MTFR1: variants seen among roughly 807,000 people sequenced by gnomAD.
MTFR1 encodes the protein mitochondrial fission regulator 1, also known as chondrocyte protein with a poly-proline region.
MTFR1 carries 28 observed loss-of-function variants against 38.8 expected under a neutral mutation model. The observed-to-expected ratio is 0.72, with a 90% confidence interval of 0.53 to 0.99. The LOEUF is 0.99. Ranked by LOEUF, MTFR1 falls within the 50% of genes least tolerant of loss-of-function variation. The pLI, the probability that MTFR1 is intolerant of heterozygous loss-of-function variation, is 0.00. For missense variants in MTFR1, 358 were observed against 395.5 expected (o/e 0.91, Z 0.81); for synonymous variants, 145 against 137.0 (o/e 1.06, Z -0.41).
chr8:65,672,239 A>G (rs902407225), intron 2 of MTFR1, among the ~76,000 whole-genome samples: 1 of 152,264 alleles, frequency 6.6e-6, no homozygotes, highest in East Asian at 1.9e-4. Context: ...AAATTCATAT[A>G]AAACCAAATT....
intron 1 of MTFR1, among the ~76,000 whole-genome samples, chr8:65,659,208 A>C (rs1010302910): frequency 6.6e-6 from 1 of 152,068 alleles, no homozygotes; most frequent in Non-Finnish European, 1.5e-5. Context: ...TTTTGGTGAT[A>C]ATACCACTCT....
At chr8:65,747,006 T>A (rs1047608684) in intron 3 of MTFR1, among the ~76,000 whole-genome samples, 2 of 152,304 alleles carry the variant, frequency 1.3e-5, no homozygotes, top group Admixed American at 1.3e-4. Flanking sequence ...AAAAACAAGC[T>A]CATTTAACCC....
At chr8:65,682,329 T>C (rs1804920236) in intron 2 of MTFR1, 24 bp from the exon 3 acceptor site, 3 of 1,304,112 alleles carry the variant, frequency 2.3e-6, no homozygotes, top group Admixed American at 2.1e-5. Flanking sequence ...GTAATTAAGC[T>C]TTCGGTTTTT....
intron 2 of MTFR1, among the ~76,000 whole-genome samples, chr8:65,681,642 A>G (rs1298776391): frequency 6.7e-6 from 1 of 148,284 alleles, no homozygotes; most frequent in Non-Finnish European, 1.5e-5. Flanking sequence ...TTTACCTAAC[A>G]TTCAACACAT....
At position 65,709,513 on chromosome 8, in the gene MTFR1, T is replaced by C. The variant is rs1004010327; in HGVS notation, c.*469T>C. On this transcript the variant is annotated 3_prime_UTR_variant, in exon 8 of 8. Transcript: ENST00000262146. ...TCAATGATCATTTAGCATTCAATGA[T>C]GGAACAGCTGGTATAACATAAGTTG... The C allele has an allele frequency of 6.5e-6, 1 of 154,510 alleles. No homozygotes were observed. Among genetic ancestry groups the C allele is most frequent in the Non-Finnish European group, 1.4e-5 (1 of 69,440 alleles). 9.6% of individuals were successfully genotyped at this position (154,510 alleles called of 1,614,324 possible).
At chr8:65,692,560 G>C (rs543283119) in intron 3 of MTFR1, among the ~76,000 whole-genome samples, 1 of 151,570 alleles carries the variant, frequency 6.6e-6, no homozygotes, top group Non-Finnish European at 1.5e-5. Flanking sequence ...AGCTGGTTTC[G>C]AACTCCTGAC....
chr8:65,656,500 ATT>A (rs1232069011), intron 1 of MTFR1, among the ~76,000 whole-genome samples: 19 of 129,708 alleles, frequency 1.5e-4, no homozygotes, highest in Admixed American at 3.1e-4. Context: ...TGCCTGGCTA[ATT>A]TTTTTTTTTT....
rs1805912491 is a variant in MTFR1, at chr8:65,710,476, T to TATC, written c.*1434_*1436dup. On this transcript the variant is annotated 3_prime_UTR_variant, in exon 8 of 8. Coordinates refer to ENST00000262146, the MANE Select transcript of MTFR1 (RefSeq NM_014637.4). ...TTGACCTAAAAGAAACATATTTTTG[T>TATC]ATCAGTATTGAATTTTGGACAGTGC... is the stretch of plus-strand genomic sequence containing the variant. 6.6e-6 allele frequency: 1 copy of TATC among 152,670 alleles called. No homozygotes were observed. Among genetic ancestry groups the TATC allele is most frequent in the African/African-American group, 2.4e-5 (1 of 41,470 alleles). The allele number at this position is 152,670 out of a possible 1,614,324, so 9.5% of individuals were successfully genotyped here.
At chr8:65,745,758 T>C (rs184122948) in intron 3 of MTFR1, among the ~76,000 whole-genome samples, 12 of 152,334 alleles carry the variant, frequency 7.9e-5, no homozygotes, top group Admixed American at 7.8e-4. Flanking sequence ...TTAAGAATTC[T>C]AGTATCACTT....
the MTFR1 span, among the ~76,000 whole-genome samples, chr8:65,776,776 T>C: frequency 6.6e-6 from 1 of 152,222 alleles, no homozygotes; most frequent in Non-Finnish European, 1.5e-5. Context: ...TCCTAACAAT[T>C]TTCTAAGTAC....
downstream of MTFR1, among the ~76,000 whole-genome samples, chr8:65,715,409 G>T (rs183198614): frequency 4.5e-4 from 66 of 145,420 alleles, 1 homozygote; most frequent in African/African-American, 1.6e-3. Flanking sequence ...ACAGAGTCTT[G>T]CTCTGTCACC....
intron 3 of MTFR1, among the ~76,000 whole-genome samples, chr8:65,738,037 C>T (rs1807226268): frequency 6.6e-6 from 1 of 152,082 alleles, no homozygotes. Context: ...AAGTTCCAGA[C>T]TACTAAAATA....
intron 3 of MTFR1, among the ~76,000 whole-genome samples, chr8:65,762,596 GATTAA>G (rs1808557291): frequency 1.3e-5 from 2 of 152,124 alleles, no homozygotes; most frequent in Admixed American, 1.3e-4. Context: ...GACTGTTAAA[GATTAA>G]ATGAGATAAT....
intron 2 of MTFR1, among the ~76,000 whole-genome samples, chr8:65,716,043 T>C (rs1274532554): frequency 9.6e-6 from 1 of 104,620 alleles, no homozygotes; most frequent in Admixed American, 1.1e-4. Context: ...GGTGGTGTGG[T>C]GGCACTCAGG....
At chr8:65,689,560 T>A (rs1327171756) in intron 3 of MTFR1, 1 of 1,264,092 alleles carries the variant, frequency 7.9e-7, no homozygotes, top group Middle Eastern at 2.2e-4. Flanking sequence ...TTTCCACTAA[T>A]AATAGCTGTA....
In MTFR1 at chr8:65,704,874, C is replaced by G. The variant is rs148450715; in HGVS notation, c.462C>G (p.Leu154=). Residue 154 remains leucine (L), a synonymous_variant, in exon 5 of 8, where the codon CTC becomes CTG. Coordinates refer to ENST00000262146, the MANE Select transcript of MTFR1 (RefSeq NM_014637.4). ...ICALENELAA[L]RAQIAKIVTQ... ...CTCTCGAAAATGAACTTGCTGCTCT[C>G]AGAGCTCAGATTGCCAAAATTGTGA... is the stretch of plus-strand genomic sequence containing the variant. 28 of 1,611,588 alleles carry G rather than the reference C, an allele frequency of 1.7e-5. No homozygotes were observed. The highest frequency in any genetic ancestry group is 2.3e-5 in the Non-Finnish European group (27 of 1,178,648).
intron 3 of MTFR1, among the ~76,000 whole-genome samples, chr8:65,750,292 C>G (rs1344678531): frequency 1.3e-5 from 2 of 152,172 alleles, no homozygotes; most frequent in African/African-American, 4.8e-5. Flanking sequence ...AATACTTGTA[C>G]TGTATTTATT....
chr8:65,648,891 T>C (rs1378806870), intron 1 of MTFR1, among the ~76,000 whole-genome samples: 1 of 152,150 alleles, frequency 6.6e-6, no homozygotes, highest in Non-Finnish European at 1.5e-5. Flanking sequence ...GATGCTATCA[T>C]AGCTCTAAGA....
intron 1 of MTFR1, among the ~76,000 whole-genome samples, chr8:65,660,147 C>A (rs370401468): frequency 2.0e-5 from 3 of 152,000 alleles, no homozygotes; most frequent in African/African-American, 7.2e-5. Context: ...AAAAATTAGC[C>A]AGGCATGGTG....
Sources: gnomAD v4.1 joint callset for allele counts (sites outside exome capture counted in the v4.1 genomes callset) on GRCh38, gnomAD v4.1.1 for gene constraint, MANE v1.5 for transcripts, NCBI Gene and HGNC (gene_info 2026-07-23, HGNC 2026-07-21) for gene names.